The following NF1 variants were observed in gnomAD, a reference collection of about 807,000 sequenced individuals.
NF1 encodes the protein neurofibromin 1.
In NF1, 122 loss-of-function variants were observed where a neutral mutation model predicts 325.7. That is an observed-to-expected ratio of 0.37 (90% CI 0.32 to 0.44). The LOEUF is 0.44. Ranked by LOEUF, NF1 falls within the 20% of genes least tolerant of loss-of-function variation. The pLI is 1.00. For synonymous variants in NF1, 1,091 were observed against 1,186.0 expected (o/e 0.92, Z 1.65); for missense variants, 2,140 against 3,415.4 (o/e 0.63, Z 9.31).
chr17:31,161,307 T>C (rs2065757131), intron 3 of NF1, among the ~76,000 whole-genome samples: 1 of 152,252 alleles, frequency 6.6e-6, no homozygotes, highest in South Asian at 2.1e-4. Context: ...GGCATTGTAA[T>C]GTGAATTCAC....
chr17:31,249,829 A>G (rs1285667491), intron 30 of NF1: 5 of 396,196 alleles, frequency 1.3e-5, no homozygotes, highest in African/African-American at 4.2e-5. Context: ...CTGCAAATGC[A>G]TATTAGCCTT....
At position 31,357,021 on chromosome 17, in the gene NF1, A is replaced by G; in HGVS notation, c.7800A>G (p.Glu2600=). 1 of 1,614,028 alleles carries G rather than the reference A, an allele frequency of 6.2e-7. No homozygotes were observed. Among genetic ancestry groups the G allele is most frequent in the African/African-American group, 1.3e-5 (1 of 75,056 alleles). ...ATTTACGTAAAGTTTCAGTGTCTGA[A>G]TCAAATGTTCTCTTGGATGAAGAAG... ...HPHLRKVSVS[E]SNVLLDEEVL... The change falls in exon 53 of 58, where the codon GAA becomes GAG. Residue 2600 remains glutamate (E), a synonymous_variant. Coordinates refer to ENST00000358273, the MANE Select transcript of NF1 (RefSeq NM_001042492.3).
chr17:31,183,951 G>T (rs906756697), intron 8 of NF1, among the ~76,000 whole-genome samples: 1 of 152,122 alleles, frequency 6.6e-6, no homozygotes, highest in Non-Finnish European at 1.5e-5. Flanking sequence ...GATCGTGCTA[G>T]TTAATAGTTA....
intron 25 of NF1, among the ~76,000 whole-genome samples, chr17:31,232,452 T>C (rs2067129126): frequency 6.6e-6 from 1 of 152,142 alleles, no homozygotes. Context: ...AGTGACACAT[T>C]TACCAGGTAA....
chr17:31,224,104 T>A (rs890949831), intron 16 of NF1, among the ~76,000 whole-genome samples: 2 of 152,074 alleles, frequency 1.3e-5, no homozygotes, highest in African/African-American at 4.8e-5. Flanking sequence ...AGGGAAACAG[T>A]TGAGGGTCCT....
chr17:31,305,458 G>T, intron 36 of NF1: 1 of 1,614,194 alleles, frequency 6.2e-7, no homozygotes, highest in East Asian at 2.2e-5. Context: ...ATTCCCTGTT[G>T]TGTTTTGAGA....
intron 13 of NF1, 65 bp downstream of exon 13, chr17:31,214,650 G>T (rs1410431341): frequency 6.6e-7 from 1 of 1,514,884 alleles, no homozygotes; most frequent in Admixed American, 1.8e-5. Flanking sequence ...TAGCTGAAAC[G>T]CCAAGACCTT....
At chr17:31,220,979 G>A (rs538290803) in intron 14 of NF1, among the ~76,000 whole-genome samples, 5 of 152,090 alleles carry the variant, frequency 3.3e-5, no homozygotes, top group African/African-American at 1.2e-4. Context: ...ATATCTCAAA[G>A]TAATTACAAT....
At chr17:31,246,738 C>G (rs542138889) in intron 29 of NF1, among the ~76,000 whole-genome samples, 3 of 152,146 alleles carry the variant, frequency 2.0e-5, no homozygotes, top group Non-Finnish European at 4.4e-5. Flanking sequence ...CATTATTAGT[C>G]CTGTATTATT....
intron 57 of NF1, among the ~76,000 whole-genome samples, chr17:31,364,311 G>A (rs994673145): frequency 8.5e-5 from 13 of 152,168 alleles, no homozygotes; most frequent in African/African-American, 3.1e-4. Context: ...AACAGATAAA[G>A]GTTCCATTGC....
chr17:31,113,309 T>A (rs1386278391), intron 1 of NF1, among the ~76,000 whole-genome samples: 4 of 152,208 alleles, frequency 2.6e-5, no homozygotes, highest in African/African-American at 9.6e-5. Flanking sequence ...AGGGTCTTGC[T>A]CTGTCCCCTA....
intron 1 of NF1, among the ~76,000 whole-genome samples, chr17:31,153,019 A>T (rs559114987): frequency 5.5e-5 from 8 of 144,484 alleles, no homozygotes; most frequent in South Asian, 2.1e-4. Flanking sequence ...TTCATGAAAT[A>T]AAAAAAAAAT....
Position 31,221,838 on chromosome 17 carries a change from T to G in NF1, c.1642-12T>G. The G allele has an allele frequency of 1.3e-6, 2 of 1,591,312 alleles. No individual in the cohort carries two copies. The highest frequency in any genetic ancestry group is 4.5e-5 in the East Asian group (2 of 44,624). On this transcript the variant is annotated splice_polypyrimidine_tract_variant and intron_variant, in intron 14 of 57. Coordinates refer to ENST00000358273, the MANE Select transcript of NF1 (RefSeq NM_001042492.3). ...GTCTTCTCTTTGTCTTTCTCTTTTT[T>G]AAAAAATTCAGGCTCTGCTGGTTCT...
intron 36 of NF1, chr17:31,308,088 A>G (rs746661964): frequency 3.7e-5 from 11 of 299,964 alleles, no homozygotes; most frequent in Non-Finnish European, 6.7e-5. Context: ...GTGCATGATC[A>G]GGTTACTACT....
intron 36 of NF1, among the ~76,000 whole-genome samples, chr17:31,322,573 T>C (rs1040817324): frequency 1.5e-5 from 2 of 136,264 alleles, no homozygotes; most frequent in Non-Finnish European, 3.1e-5. Context: ...TAATCCCAGC[T>C]ACTAGGTAGG....
chr17:31,359,052 T>G (rs770018302), intron 56 of NF1, 37 bp downstream of exon 56: 8 of 1,569,472 alleles, frequency 5.1e-6, no homozygotes, highest in African/African-American at 1.4e-5. Flanking sequence ...TTTGGCAAAA[T>G]GAAGGTTTCT....
chr17:31,318,718 A>G lies in NF1; in HGVS notation c.4836-7102A>G, dbSNP rs1205528727. ...TACTGTTGAAGGACTGTTGCTGACG[A>G]CAGAAGGTATATAAAGCTCCTGTTC... On this transcript the variant is annotated intron_variant, in intron 36 of 57. Coordinates refer to ENST00000358273, the MANE Select transcript of NF1 (RefSeq NM_001042492.3). The G allele has an allele frequency of 3.1e-6, 5 of 1,613,998 alleles. No homozygotes were observed. The South Asian group carries it at 4.4e-5, about 14-fold the overall frequency.
At chr17:31,174,879 C>G (rs1057175123) in intron 5 of NF1, among the ~76,000 whole-genome samples, 4 of 151,892 alleles carry the variant, frequency 2.6e-5, no homozygotes, top group African/African-American at 9.7e-5. Flanking sequence ...GGGAGGCCTA[C>G]GTGGGCGGAT....
intron 8 of NF1, among the ~76,000 whole-genome samples, chr17:31,197,179 G>A (rs2066448431): frequency 6.6e-6 from 1 of 151,694 alleles, no homozygotes; most frequent in African/African-American, 2.4e-5. Flanking sequence ...CAAGTATCTG[G>A]GACTACAGGG....
Sources: gnomAD v4.1 joint callset for allele counts (sites outside exome capture counted in the v4.1 genomes callset) on GRCh38, gnomAD v4.1.1 for gene constraint, MANE v1.5 for transcripts, NCBI Gene and HGNC (gene_info 2026-07-23, HGNC 2026-07-21) for gene names.